The following RASGRP3 variants were observed in gnomAD, a reference collection of about 807,000 sequenced individuals.
RASGRP3 encodes the protein ras guanyl-releasing protein 3.
Under a neutral mutation model 82.7 loss-of-function variants are expected in RASGRP3, and 54 were observed. The observed-to-expected ratio is 0.65, with a 90% CI of 0.52 to 0.82. The LOEUF (loss-of-function observed/expected upper bound fraction) is 0.82. RASGRP3 is among the 40% of genes least tolerant of loss of function. RASGRP3 has a pLI of 0.00. For synonymous variants in RASGRP3, 309 were observed against 300.5 expected (o/e 1.03, Z -0.29); for missense variants, 861 against 828.9 (o/e 1.04, Z -0.48).
chr2:33,560,665 C>T lies in RASGRP3; in HGVS notation c.2064+1635C>T, dbSNP rs183094083. On this transcript the variant is annotated intron_variant, in intron 17 of 17. Coordinates refer to ENST00000403687, the MANE Select transcript of RASGRP3 (RefSeq NM_001139488.2). ...TAACTCAGCCTGCAGAGGCTGTTTC[C>T]GTGGGTGCTGTAGCTGCCCCTGGAA... 1.7e-3 allele frequency among the ~76,000 whole-genome samples: 260 copies of T among 152,350 alleles called. 2 individuals are homozygous for T. Among genetic ancestry groups the T allele is most frequent in the African/African-American group, 5.8e-3 (241 of 41,586 alleles).
At chr2:33,550,653 T>C (rs916440181) in intron 14 of RASGRP3, among the ~76,000 whole-genome samples, 3 of 152,168 alleles carry the variant, frequency 2.0e-5, no homozygotes, top group Non-Finnish European at 4.4e-5. Context: ...ATCGCCCCTT[T>C]TTCTAGATGC....
chr2:33,493,154 C>A (rs1403545988), intron 1 of RASGRP3: 3 of 152,266 alleles, frequency 2.0e-5, no homozygotes, highest in Non-Finnish European at 4.4e-5. Context: ...TAGACACAAT[C>A]ATCCATTTAG....
In RASGRP3 at chr2:33,527,119, T is replaced by G. The variant is rs1485034251; in HGVS notation, c.808-18T>G. On this transcript the variant is annotated intron_variant, in intron 9 of 17. Transcript: ENST00000403687. ...AGGGAAAGTTGTTTGAAAATTCTAC[T>G]TTTCCATCTGTTCCCAGAACTGGAA... The G allele has an allele frequency of 6.2e-7, 1 of 1,612,408 alleles. No homozygotes were observed. The highest frequency in any genetic ancestry group is 1.1e-5 in the South Asian group (1 of 90,974).
rs2305577 is a variant in RASGRP3 at position 33,520,111 on chromosome 2, A to G, written c.236+97A>G. 3.2e-3 allele frequency: 3,234 copies of G among 1,005,668 alleles called. 62 individuals are homozygous for G. The East Asian group carries it at 0.042, about 13-fold the overall frequency. The allele number at this position is 1,005,668 out of a possible 1,614,324, so 62.3% of individuals were successfully genotyped here. On this transcript the variant is annotated intron_variant, in intron 5 of 17. Transcript: ENST00000403687. The stretch of plus-strand genomic sequence containing the variant: ...AGCTGCAGACCTAGTTTGACAACAG[A>G]CTCTACTCTGATACCCCTCCCACCA...
At chr2:33,516,714 C>A in intron 4 of RASGRP3, 70 bp downstream of exon 4, 2 of 1,045,136 alleles carry the variant, frequency 1.9e-6, no homozygotes, top group Non-Finnish European at 2.8e-6. Flanking sequence ...GAGTGTCTAT[C>A]CAAAGCCAGT....
chr2:33,488,615 A>G (rs1668595160), intron 1 of RASGRP3, among the ~76,000 whole-genome samples: 2 of 152,220 alleles, frequency 1.3e-5, no homozygotes, highest in Non-Finnish European at 2.9e-5. Context: ...AGCTGATGAC[A>G]AAAAGCAAAA....
intron 11 of RASGRP3, among the ~76,000 whole-genome samples, chr2:33,536,185 C>G (rs1209624543): frequency 6.6e-6 from 1 of 151,826 alleles, no homozygotes; most frequent in East Asian, 1.9e-4. Flanking sequence ...GCCTGTAGTT[C>G]CAGCTACTTA....
chr2:33,543,733 CTGG>C, intron 13 of RASGRP3, 106 bp downstream of exon 13: 1 of 767,942 alleles, frequency 1.3e-6, no homozygotes, highest in Non-Finnish European at 2.1e-6. Flanking sequence ...AGCTTCAACC[CTGG>C]TGCTTTGATG....
rs540536475 is a variant in RASGRP3, at chr2:33,531,422, T to C, written c.1084-2901T>C. Among the ~76,000 whole-genome samples, 4 of 152,256 alleles carry C rather than the reference T, an allele frequency of 2.6e-5. No individual in the cohort carries two copies. The East Asian group carries it at 7.7e-4, about 29-fold the overall frequency. ...AGATCTGAGAGAGGAAGTAGAATCG[T>C]GACTGGGAAAGAAGAGATGCTAGGA... On this transcript the variant is annotated intron_variant, in intron 10 of 17. Transcript: ENST00000403687.
chr2:33,467,387 C>T (rs1292821745), intron 2 of RASGRP3, among the ~76,000 whole-genome samples: 1 of 151,990 alleles, frequency 6.6e-6, no homozygotes, highest in Admixed American at 6.6e-5. Flanking sequence ...TACCCTGGCC[C>T]ACACATAGTT....
intron 1 of RASGRP3, among the ~76,000 whole-genome samples, chr2:33,501,968 G>A (rs983067104): frequency 3.9e-5 from 6 of 152,198 alleles, no homozygotes; most frequent in African/African-American, 1.4e-4. Flanking sequence ...TTTTGCCAGA[G>A]TAGTTTGAAT....
intron 10 of RASGRP3, among the ~76,000 whole-genome samples, chr2:33,530,245 A>T (rs1672979921): frequency 6.6e-6 from 1 of 152,214 alleles, no homozygotes; most frequent in South Asian, 2.1e-4. Context: ...TCATCTAAAC[A>T]TGGCTCCAGC....
chr2:33,504,484 T>C (rs1312835899), intron 1 of RASGRP3, among the ~76,000 whole-genome samples: 2 of 152,242 alleles, frequency 1.3e-5, no homozygotes, highest in Non-Finnish European at 2.9e-5. Context: ...CAATAAACAT[T>C]GGCTTTTGTG....
intron 14 of RASGRP3, among the ~76,000 whole-genome samples, chr2:33,551,712 G>A (rs1340766824): frequency 1.3e-5 from 2 of 151,874 alleles, no homozygotes; most frequent in Non-Finnish European, 2.9e-5. Flanking sequence ...TAAAAAACTC[G>A]GCCAGGCACG....
intron 11 of RASGRP3, 30 bp downstream of exon 11, chr2:33,534,430 T>TC: frequency 7.0e-7 from 1 of 1,421,214 alleles, no homozygotes; most frequent in Non-Finnish European, 9.8e-7. Context: ...CAAGGATCAG[T>TC]ACCAATCACT....
intron 1 of RASGRP3, among the ~76,000 whole-genome samples, 186 bp from the exon 2 acceptor site, chr2:33,511,524 A>G (rs1670925097): frequency 1.3e-5 from 2 of 152,232 alleles, no homozygotes; most frequent in Admixed American, 1.3e-4. Context: ...TTAAAAAAAA[A>G]TTGTCTTACC....
chr2:33,440,863 G>A (rs1665186575), intron 1 of RASGRP3, among the ~76,000 whole-genome samples: 1 of 151,990 alleles, frequency 6.6e-6, no homozygotes, highest in Admixed American at 6.6e-5. Context: ...ATTTCATCTT[G>A]AGGTTGGACA....
intron 1 of RASGRP3, among the ~76,000 whole-genome samples, chr2:33,446,865 C>T (rs1305263598): frequency 3.3e-5 from 5 of 151,860 alleles, no homozygotes; most frequent in Non-Finnish European, 2.9e-5. Context: ...AGGACTGGGC[C>T]GGGTGCGGTG....
intron 2 of RASGRP3, among the ~76,000 whole-genome samples, chr2:33,460,647 T>C (rs1393316832): frequency 2.0e-5 from 3 of 151,972 alleles, no homozygotes; most frequent in African/African-American, 7.3e-5. Flanking sequence ...CCTGAGTAGC[T>C]GGGACTACAG....
Sources: gnomAD v4.1 joint callset for allele counts (sites outside exome capture counted in the v4.1 genomes callset) on GRCh38, gnomAD v4.1.1 for gene constraint, MANE v1.5 for transcripts, NCBI Gene and HGNC (gene_info 2026-07-23, HGNC 2026-07-21) for gene names.